SENP8: variants seen among roughly 807,000 people sequenced by gnomAD.
The protein encoded by SENP8 is SUMO peptidase family member, NEDD8 specific, also known as sentrin-specific protease 8.
A neutral mutation model predicts 14.4 loss-of-function variants in SENP8; 10 were observed. The ratio of observed to expected loss-of-function variants is 0.69; its 90% CI spans 0.43 to 1.18. The LOEUF (loss-of-function observed/expected upper bound fraction) is 1.18. Ranked by LOEUF, SENP8 falls within the 50% of genes most tolerant of loss-of-function variation. The pLI is 0.00. For missense variants in SENP8, 202 were observed against 249.4 expected, an observed-to-expected ratio of 0.81 and a Z score of 1.28; for synonymous variants, 94 against 95.5, an observed-to-expected ratio of 0.98 and a Z score of 0.09.
Position 72,140,013 on chromosome 15 carries a change from G to C in SENP8, c.390G>C (p.Lys130Asn). The C allele has an allele frequency of 1.2e-6, 2 of 1,614,216 alleles. No individual in the cohort carries two copies. Among genetic ancestry groups the C allele is most frequent in the Non-Finnish European group, 8.5e-7 (1 of 1,180,040 alleles). ...GCAGGAGCAACTCAGTTCACGCAAA[G>C]CAGGTAGCAGAGAAACTGGAGGCTT... ...SHSRSNSVHA[K>N]QVAEKLEAFL... Residue 130 changes from lysine to asparagine, a missense_variant, in exon 2 of 2, where the codon AAG (lysine) becomes AAC (asparagine). By Grantham distance (94) the Lys-to-Asn change is moderately conservative (BLOSUM62 0). Transcript: ENST00000340912.
intron 1 of SENP8, among the ~76,000 whole-genome samples, chr15:72,133,977 C>T (rs2081302354): frequency 6.6e-6 from 1 of 152,044 alleles, no homozygotes; most frequent in Non-Finnish European, 1.5e-5. Context: ...TGGATGGAGT[C>T]TCGCTCTGTC....
At chr15:72,119,515 G>GA (rs1201017515) in intron 1 of SENP8, among the ~76,000 whole-genome samples, 1 of 152,132 alleles carries the variant, frequency 6.6e-6, no homozygotes, top group Non-Finnish European at 1.5e-5. Flanking sequence ...TTGGGAGGCC[G>GA]AGGCGGGTGG....
upstream of SENP8, chr15:72,117,993 G>T: frequency 2.5e-6 from 1 of 398,944 alleles, no homozygotes; most frequent in Non-Finnish European, 4.4e-6. Flanking sequence ...TACTGCCTCC[G>T]CCGCCGCCTC....
chr15:72,140,255 A>C lies in SENP8; in HGVS notation c.632A>C (p.Lys211Thr), dbSNP rs1304884599. 1.2e-6 allele frequency: 2 copies of C among 1,610,454 alleles called. No homozygotes were observed. ...AAAGATCTCATTACCACACTTGCTA[A>C]AAAGTAGCTATTGAAGTATATTTGC... ...EWKDLITTLA[K>T]K The change falls in exon 2 of 2, where the codon AAA becomes ACA. Residue 211 changes from lysine (K) to threonine (T), a missense_variant. Lys to Thr is a moderately conservative substitution (Grantham distance 78). Transcript: ENST00000340912.
In SENP8 at chr15:72,140,279, G is replaced by C. The variant is rs1426273571; in HGVS notation, c.*17G>C. 1.3e-6 allele frequency: 2 copies of C among 1,588,970 alleles called. No homozygotes were observed. Among genetic ancestry groups the C allele is most frequent in the East Asian group, 2.2e-5 (1 of 44,730 alleles). Reference sequence around the variant, plus strand: ...AAAAAGTAGCTATTGAAGTATATTTGCGACTTTTGAAGGCTCCTCTTTCTG... The same window carrying C: ...AAAAAGTAGCTATTGAAGTATATTTCCGACTTTTGAAGGCTCCTCTTTCTG... On this transcript the variant is annotated 3_prime_UTR_variant, in exon 2 of 2. Coordinates refer to ENST00000340912, the MANE Select transcript of SENP8 (RefSeq NM_145204.4).
intron 1 of SENP8, among the ~76,000 whole-genome samples, chr15:72,121,674 A>G (rs946579885): frequency 6.6e-6 from 1 of 152,166 alleles, no homozygotes; most frequent in Non-Finnish European, 1.5e-5. Flanking sequence ...TCGAGGCTGC[A>G]GTGTTCATGC....
chr15:72,116,679 C>G (rs2080991590), upstream of SENP8, among the ~76,000 whole-genome samples: 1 of 152,166 alleles, frequency 6.6e-6, no homozygotes. Flanking sequence ...AGAAACAGTT[C>G]TAGTATCTGC....
chr15:72,117,860 C>T (rs1026251311), upstream of SENP8: 3 of 398,458 alleles, frequency 7.5e-6, no homozygotes, highest in Non-Finnish European at 1.3e-5. Context: ...CGGCGCATCC[C>T]CCGCCCTGTC....
intron 1 of SENP8, 148 bp from the exon 2 acceptor site, chr15:72,139,429 T>TC (rs1474502933): frequency 4.5e-6 from 3 of 669,874 alleles, no homozygotes; most frequent in Non-Finnish European, 7.1e-6. Flanking sequence ...CAAAAGAAAA[T>TC]CCATGTGTAA....
chr15:72,128,151 CAG>C (rs367919734), intron 1 of SENP8, among the ~76,000 whole-genome samples: 1 of 151,518 alleles, frequency 6.6e-6, no homozygotes, highest in Admixed American at 6.6e-5. Context: ...GAAGAAAAAA[CAG>C]AGAGAGAGAG....
chr15:72,117,689 C>T (rs1434343323), upstream of SENP8: 3 of 396,590 alleles, frequency 7.6e-6, no homozygotes, highest in Non-Finnish European at 1.3e-5. Flanking sequence ...CCTCGGGCTC[C>T]GCCGCGGTGG....
chr15:72,122,973 C>T (rs568243420), intron 1 of SENP8, among the ~76,000 whole-genome samples: 1 of 152,174 alleles, frequency 6.6e-6, no homozygotes, highest in African/African-American at 2.4e-5. Context: ...GCTTGCTTTC[C>T]CTGATGGCCA....
chr15:72,141,316 A>G lies in SENP8; in HGVS notation c.*1054A>G, dbSNP rs1219974676. The stretch of plus-strand genomic sequence containing the variant: ...CTTTCTCAGCCCTTTTACTTAATTA[A>G]AAATGCAGGGAATGTAATTTGTAAA... On this transcript the variant is annotated 3_prime_UTR_variant, in exon 2 of 2. Coordinates refer to ENST00000340912, the MANE Select transcript of SENP8 (RefSeq NM_145204.4). 1 of 152,226 alleles carries G rather than the reference A, an allele frequency of 6.6e-6. No individual in the cohort carries two copies. Among genetic ancestry groups the G allele is most frequent in the Non-Finnish European group, 1.5e-5 (1 of 68,042 alleles). The allele number at this position is 152,226 out of a possible 1,614,324, so 9.4% of individuals were successfully genotyped here.
upstream of SENP8, among the ~76,000 whole-genome samples, chr15:72,115,435 A>G (rs2080936205): frequency 6.6e-6 from 1 of 152,192 alleles, no homozygotes; most frequent in Admixed American, 6.5e-5. Flanking sequence ...CCACTCCTTC[A>G]TGGGAATCCC....
rs1454965565 is a variant in SENP8, at chr15:72,139,648, A to G, written c.25A>G (p.Met9Val). Residue 9 changes from methionine (M) to valine (V), a missense_variant, in exon 2 of 2, where the codon ATG (methionine) becomes GTG (valine). Coordinates refer to ENST00000340912, the MANE Select transcript of SENP8 (RefSeq NM_145204.4). The stretch of plus-strand genomic sequence containing the variant: ...GATGGACCCCGTAGTCTTGAGTTAC[A>G]TGGACAGTCTACTGCGGCAATCAGA... MDPVVLSY[M>V]DSLLRQSDVS... 9 of 1,614,024 alleles carry G rather than the reference A, an allele frequency of 5.6e-6. No individual in the cohort carries two copies. The highest frequency in any genetic ancestry group is 7.6e-6 in the Non-Finnish European group (9 of 1,179,968).
intron 1 of SENP8, among the ~76,000 whole-genome samples, chr15:72,136,699 A>C (rs1044885458): frequency 2.9e-4 from 44 of 152,176 alleles, no homozygotes; most frequent in African/African-American, 1.0e-3. Flanking sequence ...ACAAGTGGTA[A>C]AATAACTGGT....
intron 1 of SENP8, among the ~76,000 whole-genome samples, chr15:72,134,340 G>T (rs1254148853): frequency 6.6e-6 from 1 of 152,134 alleles, no homozygotes; most frequent in Non-Finnish European, 1.5e-5. Context: ...AGCATTTAGT[G>T]GGGCAGAGGC....
At chr15:72,129,850 GAAAA>G (rs952337176) in intron 1 of SENP8, among the ~76,000 whole-genome samples, 2 of 147,640 alleles carry the variant, frequency 1.4e-5, no homozygotes, top group Admixed American at 6.8e-5. Flanking sequence ...TAAAAAAAAA[GAAAA>G]AAAAAATCCA....
upstream of SENP8, among the ~76,000 whole-genome samples, chr15:72,115,975 ATTG>A (rs567301152): frequency 2.5e-3 from 387 of 152,364 alleles, no homozygotes; most frequent in Admixed American, 3.7e-3. Context: ...TTCCATATGT[ATTG>A]TTAAGAAATG....
Sources: gnomAD v4.1 joint callset for allele counts (sites outside exome capture counted in the v4.1 genomes callset) on GRCh38, gnomAD v4.1.1 for gene constraint, MANE v1.5 for transcripts, NCBI Gene and HGNC (gene_info 2026-07-23, HGNC 2026-07-21) for gene names.